ULK4: variants seen among roughly 807,000 people sequenced by gnomAD.
The protein encoded by ULK4 is inactive serine/threonine-protein kinase ULK4.
ULK4 carries 133 observed loss-of-function variants against 160.6 expected under a neutral mutation model. The observed-to-expected ratio is 0.83, with a 90% CI of 0.72 to 0.96. The LOEUF is 0.96. ULK4 is among the 40% of genes least tolerant of loss of function. ULK4 has a pLI of 0.00. For missense variants in ULK4, 1,580 were observed against 1,499.5 expected (o/e 1.05, Z -0.89); for synonymous variants, 534 against 539.8 (o/e 0.99, Z 0.15).
intron 33 of ULK4, 108 bp downstream of exon 33, chr3:41,462,979 C>A (rs1016361948): frequency 6.6e-5 from 88 of 1,327,026 alleles, no homozygotes; most frequent in Non-Finnish European, 8.7e-5. Context: ...ATTATACATT[C>A]TTTTAAATAA....
At chr3:41,296,878 A>C (rs2079679279) in intron 35 of ULK4, among the ~76,000 whole-genome samples, 1 of 151,788 alleles carries the variant, frequency 6.6e-6, no homozygotes, top group Non-Finnish European at 1.5e-5. Flanking sequence ...CTGGAGAGGA[A>C]GGGGAGAGGG....
intron 35 of ULK4, among the ~76,000 whole-genome samples, chr3:41,348,512 G>A (rs1007511777): frequency 1.1e-4 from 17 of 152,172 alleles, no homozygotes; most frequent in African/African-American, 4.1e-4. Context: ...GGGGGCCAGA[G>A]AGGATGAGTG....
intron 32 of ULK4, among the ~76,000 whole-genome samples, chr3:41,512,918 TAAA>T (rs1398493320): frequency 2.6e-5 from 4 of 152,114 alleles, no homozygotes; most frequent in Non-Finnish European, 4.4e-5. Flanking sequence ...GGTACTAGTA[TAAA>T]AATAGGCACA....
intron 34 of ULK4, among the ~76,000 whole-genome samples, chr3:41,399,074 A>G (rs114139264): frequency 4.6e-5 from 7 of 152,150 alleles, no homozygotes; most frequent in Non-Finnish European, 7.4e-5. Context: ...TAGTAACTCT[A>G]TATTTAACCT....
intron 22 of ULK4, 35 bp downstream of exon 22, chr3:41,754,326 G>A: frequency 1.3e-6 from 2 of 1,595,770 alleles, no homozygotes; most frequent in Non-Finnish European, 1.7e-6. Flanking sequence ...GCACTAAATT[G>A]AAGTTACTGA....
At chr3:41,507,178 C>CAAAAA (rs149739568) in intron 32 of ULK4, among the ~76,000 whole-genome samples, 3 of 82,116 alleles carry the variant, frequency 3.7e-5, no homozygotes, top group African/African-American at 1.4e-4. Context: ...TAACCAGGAG[C>CAAAAA]AAAAAAAAAA....
intron 17 of ULK4, among the ~76,000 whole-genome samples, chr3:41,863,945 C>T (rs957914267): frequency 6.6e-6 from 1 of 151,896 alleles, no homozygotes; most frequent in African/African-American, 2.4e-5. Flanking sequence ...CCCCAGCTGC[C>T]CCAGCTGGCA....
chr3:41,798,544 ATT>A (rs764092097), intron 20 of ULK4, among the ~76,000 whole-genome samples: 90 of 152,286 alleles, frequency 5.9e-4, no homozygotes, highest in Middle Eastern at 3.4e-3. Context: ...TAACTGAAAA[ATT>A]TCCATAAATA....
chr3:41,305,223 C>T (rs1385816208), intron 35 of ULK4, among the ~76,000 whole-genome samples: 2 of 152,164 alleles, frequency 1.3e-5, no homozygotes, highest in African/African-American at 4.8e-5. Context: ...CGGTCTCCCT[C>T]TCCCTCTCCC....
intron 25 of ULK4, among the ~76,000 whole-genome samples, chr3:41,711,797 C>T (rs1482571243): frequency 6.6e-6 from 1 of 152,202 alleles, no homozygotes; most frequent in Non-Finnish European, 1.5e-5. Context: ...GGTTAATACA[C>T]ATCATGAGCT....
intron 27 of ULK4, among the ~76,000 whole-genome samples, chr3:41,698,097 T>C (rs1470321629): frequency 6.6e-6 from 1 of 152,212 alleles, no homozygotes; most frequent in Non-Finnish European, 1.5e-5. Flanking sequence ...CTATACCATA[T>C]AGCCTAGGTG....
chr3:41,709,638 G>T (rs1165948048), intron 25 of ULK4, among the ~76,000 whole-genome samples: 1 of 152,092 alleles, frequency 6.6e-6, no homozygotes, highest in Non-Finnish European at 1.5e-5. Context: ...GCCTGCCTCG[G>T]ACTCCCAAAG....
At chr3:41,934,365 G>A (rs1192725608) in intron 4 of ULK4, among the ~76,000 whole-genome samples, 3 of 151,934 alleles carry the variant, frequency 2.0e-5, no homozygotes, top group Admixed American at 2.0e-4. Flanking sequence ...TCATACAGAT[G>A]GCCTGCAAAA....
chr3:41,642,803 C>A (rs925023955), intron 30 of ULK4, among the ~76,000 whole-genome samples: 16 of 152,234 alleles, frequency 1.1e-4, no homozygotes, highest in Non-Finnish European at 1.8e-4. Context: ...TACAGTCCCA[C>A]CAACAGTGTA....
intron 32 of ULK4, among the ~76,000 whole-genome samples, chr3:41,508,355 T>A (rs1487134829): frequency 6.6e-6 from 1 of 152,112 alleles, no homozygotes; most frequent in Non-Finnish European, 1.5e-5. Flanking sequence ...CTGCCCACCC[T>A]GGTTGCTGAA....
chr3:41,719,839 T>G (rs557327581), intron 22 of ULK4, among the ~76,000 whole-genome samples: 1 of 152,154 alleles, frequency 6.6e-6, no homozygotes, highest in African/African-American at 2.4e-5. Flanking sequence ...ATAGGAGTTC[T>G]TAAAACTCCC....
At chr3:41,317,729 G>C (rs1342314622) in intron 35 of ULK4, among the ~76,000 whole-genome samples, 2 of 152,146 alleles carry the variant, frequency 1.3e-5, no homozygotes, top group African/African-American at 4.8e-5. Context: ...AGCTGATGCT[G>C]AACAGAATTA....
chr3:41,754,579 A>T (rs1426980318), intron 21 of ULK4, 91 bp from the exon 22 acceptor site: 3 of 1,215,686 alleles, frequency 2.5e-6, no homozygotes, highest in Non-Finnish European at 3.3e-6. Flanking sequence ...ATAATCAAGC[A>T]GATGGCAGGA....
chr3:41,567,155 T>A (rs890158555), intron 31 of ULK4, among the ~76,000 whole-genome samples: 1 of 152,226 alleles, frequency 6.6e-6, no homozygotes, highest in African/African-American at 2.4e-5. Context: ...CAGAGAAACA[T>A]ATGGTTTGCT....
Sources: allele counts gnomAD v4.1 joint callset (sites outside exome capture counted in the v4.1 genomes callset), GRCh38; gene constraint gnomAD v4.1.1; transcripts MANE v1.5; gene names NCBI Gene and HGNC (gene_info 2026-07-23, HGNC 2026-07-21).